The following KANSL1L variants were observed in gnomAD, a reference collection of about 807,000 sequenced individuals.
KANSL1L encodes KAT8 regulatory NSL complex subunit 1-like protein.
In KANSL1L, 25 loss-of-function variants were observed where a neutral mutation model predicts 108.6. The ratio of observed to expected loss-of-function variants is 0.23; its 90% CI spans 0.17 to 0.32. The LOEUF (loss-of-function observed/expected upper bound fraction) is 0.32. Among genes scored for constraint, KANSL1L ranks in the 10% least tolerant of loss-of-function variants. KANSL1L has a pLI of 1.00. For missense variants in KANSL1L, 1,137 were observed against 1,125.7 expected (o/e 1.01, Z -0.14); for synonymous variants, 405 against 395.1 (o/e 1.03, Z -0.30).
rs191091412 is a variant in KANSL1L at position 210,025,007 on chromosome 2, A to C, written c.2564+97T>G. The C allele has an allele frequency of 2.5e-5, 19 of 752,152 alleles. No individual in the cohort carries two copies. In the East Asian group the frequency reaches 4.7e-4, roughly 19 times the overall value. 46.6% of individuals were successfully genotyped at this position (752,152 alleles called of 1,614,324 possible). ...GCACAATAGCTGATGTTACAACAGC[A>C]TGTTTTCCTTTTTACTGGTCTCACC... On this transcript the variant is annotated intron_variant, in intron 13 of 14. Coordinates refer to ENST00000281772, the MANE Select transcript of KANSL1L (RefSeq NM_152519.4).
intron 3 of KANSL1L, among the ~76,000 whole-genome samples, chr2:210,115,315 T>C (rs558987509): frequency 3.9e-5 from 6 of 152,238 alleles, no homozygotes; most frequent in Admixed American, 1.3e-4. Flanking sequence ...ACATTATATA[T>C]TAATAAGACT....
chr2:210,123,291 A>G (rs2095037891), intron 3 of KANSL1L, among the ~76,000 whole-genome samples: 1 of 152,186 alleles, frequency 6.6e-6, no homozygotes, highest in African/African-American at 2.4e-5. Flanking sequence ...GTGTCCATCA[A>G]CAGACAAATG....
At chr2:210,034,543 A>G (rs576972981) in intron 8 of KANSL1L, among the ~76,000 whole-genome samples, 1 of 152,314 alleles carries the variant, frequency 6.6e-6, no homozygotes, top group Admixed American at 6.5e-5. Context: ...GAATGATTTA[A>G]AGGGATGGGG....
chr2:210,022,899 T>G lies in KANSL1L; in HGVS notation c.*50A>C, dbSNP rs747758543. On this transcript the variant is annotated 3_prime_UTR_variant, in exon 15 of 15. Coordinates refer to ENST00000281772, the MANE Select transcript of KANSL1L (RefSeq NM_152519.4). ...ATGGGGGATCCAGAACAGGGCTTTA[T>G]TTCCTCCCATCTTTCCTACATTTAC... 7.7e-7 allele frequency: 1 copy of G among 1,302,416 alleles called. No homozygotes were observed. The allele number at this position is 1,302,416 out of a possible 1,614,324, so 80.7% of individuals were successfully genotyped here.
At chr2:210,146,378 T>G (rs1444911440) in intron 2 of KANSL1L, among the ~76,000 whole-genome samples, 1 of 152,222 alleles carries the variant, frequency 6.6e-6, no homozygotes, top group African/African-American at 2.4e-5. Flanking sequence ...CTATCTTGCT[T>G]CTATCACTCA....
rs2093976009 is a variant in KANSL1L, at chr2:210,028,921, T to C, written c.2320A>G (p.Asn774Asp). 2 of 1,607,566 alleles carry C rather than the reference T, an allele frequency of 1.2e-6. No homozygotes were observed. The highest frequency in any genetic ancestry group is 1.7e-5 in the Admixed American group (1 of 59,706). Residue 774 changes from asparagine to aspartate, a missense_variant, in exon 11 of 15, where the codon AAC (asparagine) becomes GAC (aspartate). This residue lies in a region of KANSL1L where 575 missense variants were observed against 567.1 expected (regional missense o/e 1.01). Transcript: ENST00000281772. ...ACTAATGACATGGGAATCACAATGTTATCTATGTCATAAGAGCTCTCACTT... is the reference window on the plus strand; with the variant it reads ...ACTAATGACATGGGAATCACAATGTCATCTATGTCATAAGAGCTCTCACTT... ...LRSESSYDID[N>D]IVIPMSLVAP...
chr2:210,026,546 TC>T (rs2093939405), intron 12 of KANSL1L: 1 of 152,206 alleles, frequency 6.6e-6, no homozygotes, highest in Non-Finnish European at 1.5e-5. Context: ...CGCCCGAGAC[TC>T]TACAGGTATT....
rs2094131391 is a variant in KANSL1L at position 210,038,463 on chromosome 2, G to T, written c.2029+1957C>A. 1.3e-5 allele frequency among the ~76,000 whole-genome samples: 2 copies of T among 151,986 alleles called. 1 individual carries two copies. The highest frequency in any genetic ancestry group is 1.3e-4 in the Admixed American group (2 of 15,274). ...TTACTATAGTTGTGCCAAAATTGAT[G>T]ATTATAATGTTTAAAATCATTAATG... On this transcript the variant is annotated intron_variant, in intron 8 of 14. Coordinates refer to ENST00000281772, the MANE Select transcript of KANSL1L (RefSeq NM_152519.4).
At chr2:210,025,025 G>T in intron 13 of KANSL1L, 79 bp downstream of exon 13, 2 of 864,888 alleles carry the variant, frequency 2.3e-6, no homozygotes, top group Non-Finnish European at 2.0e-6. Context: ...CTTTTTACTG[G>T]TCTCACCCAA....
intron 3 of KANSL1L, among the ~76,000 whole-genome samples, chr2:210,107,020 TA>T (rs1365438363): frequency 2.0e-5 from 3 of 151,878 alleles, no homozygotes; most frequent in Non-Finnish European, 4.4e-5. Context: ...ACAACATAGA[TA>T]AGAAAGACAA....
chr2:210,072,502 C>G (rs1276946563), intron 6 of KANSL1L, among the ~76,000 whole-genome samples: 1 of 152,182 alleles, frequency 6.6e-6, no homozygotes, highest in East Asian at 1.9e-4. Flanking sequence ...TCATGTAAAG[C>G]AATTTTTCCA....
intron 5 of KANSL1L, among the ~76,000 whole-genome samples, chr2:210,087,804 TTCTCATTCTA>T (rs1396327465): frequency 3.9e-5 from 6 of 152,316 alleles, no homozygotes; most frequent in South Asian, 2.1e-4. Context: ...AAACAGGCTG[TTCTCATTCTA>T]TCTAATTCAG....
intron 1 of KANSL1L, chr2:210,170,303 G>A: frequency 2.1e-6 from 2 of 947,736 alleles, no homozygotes; most frequent in South Asian, 4.9e-5. Flanking sequence ...TGAATGTCCT[G>A]AAGTTTGGGG....
intron 6 of KANSL1L, among the ~76,000 whole-genome samples, chr2:210,070,383 C>T (rs1452071033): frequency 1.3e-5 from 2 of 151,808 alleles, no homozygotes; most frequent in Non-Finnish European, 2.9e-5. Context: ...GCGCCCGCCA[C>T]AACGCCCAGC....
In KANSL1L at chr2:210,059,132, C is replaced by T. The variant is rs569423748; in HGVS notation, c.1756-15028G>A. On this transcript the variant is annotated intron_variant, in intron 6 of 14. Transcript: ENST00000281772. The stretch of plus-strand genomic sequence containing the variant: ...CAGCCTGGGTGACAGAGCGAGACTC[C>T]GTCTCAAAAAAAAAAAAAAAAAAAG... Among the ~76,000 whole-genome samples, 84 of 142,076 alleles carry T rather than the reference C, an allele frequency of 5.9e-4. 1 individual carries two copies. The highest frequency in any genetic ancestry group is 1.1e-3 in the African/African-American group (41 of 36,852). The allele number at this position is 142,076 out of a possible 152,430, so 93.2% of individuals were successfully genotyped here. A position where few individuals can be genotyped will look rare whatever the true frequency, so the allele number is the denominator to read the frequency against.
intron 1 of KANSL1L, among the ~76,000 whole-genome samples, chr2:210,169,548 A>G (rs1688202580): frequency 6.6e-6 from 1 of 152,220 alleles, no homozygotes. Flanking sequence ...TAACAAAATA[A>G]TCGATTGTTA....
At chr2:210,043,789 C>T in intron 7 of KANSL1L, 150 bp downstream of exon 7, 1 of 476,768 alleles carries the variant, frequency 2.1e-6, no homozygotes, top group Middle Eastern at 5.2e-4. Flanking sequence ...AATTCCTCTA[C>T]AACAAATTTA....
At chr2:210,039,829 C>T (rs2094145017) in intron 8 of KANSL1L, among the ~76,000 whole-genome samples, 1 of 151,726 alleles carries the variant, frequency 6.6e-6, no homozygotes, top group Admixed American at 6.6e-5. Flanking sequence ...TCCATGAGAA[C>T]CAATGGTTCT....
intron 8 of KANSL1L, among the ~76,000 whole-genome samples, chr2:210,038,929 T>A (rs1276374407): frequency 6.6e-6 from 1 of 151,926 alleles, no homozygotes; most frequent in Non-Finnish European, 1.5e-5. Flanking sequence ...AGTGCTGACA[T>A]ATAAATGATG....
Sources: gnomAD v4.1 joint callset for allele counts (sites outside exome capture counted in the v4.1 genomes callset) on GRCh38, gnomAD v4.1.1 for gene constraint, gnomAD v4.1.1 regional missense constraint, MANE v1.5 for transcripts, NCBI Gene and HGNC (gene_info 2026-07-23, HGNC 2026-07-21) for gene names.